The following APC variants were observed in gnomAD, a reference collection of about 807,000 sequenced individuals.
APC encodes the protein APC regulator of Wnt signaling pathway.
In APC, 72 loss-of-function variants were observed where a neutral mutation model predicts 247.0. The observed-to-expected ratio is 0.29, with a 90% CI of 0.24 to 0.35. APC has a LOEUF of 0.35. Among genes scored for constraint, APC ranks in the 10% least tolerant of loss-of-function variants. The probability of loss-of-function intolerance (pLI) is 1.00; values close to 1 mark genes in which losing one functional copy is unlikely to be tolerated. For synonymous variants in APC, 1,254 were observed against 1,162.5 expected, an observed-to-expected ratio of 1.08 and a Z score of -1.60; for missense variants, 3,400 against 3,360.7, an observed-to-expected ratio of 1.01 and a Z score of -0.29.
chr5:112,778,835 G>A (rs1022261442), intron 5 of APC, among the ~76,000 whole-genome samples: 2 of 152,062 alleles, frequency 1.3e-5, no homozygotes, highest in African/African-American at 2.4e-5. Context: ...GAGCCACTGC[G>A]CCCAGCCACA....
chr5:112,777,030 T>C (rs1757737161), intron 5 of APC, among the ~76,000 whole-genome samples: 6 of 152,180 alleles, frequency 3.9e-5, no homozygotes, highest in Admixed American at 3.9e-4. Flanking sequence ...CATTTATAGA[T>C]ATGAATTCTG....
chr5:112,827,627 A>G (rs193301079), intron 12 of APC, among the ~76,000 whole-genome samples: 78 of 152,376 alleles, frequency 5.1e-4, no homozygotes, highest in African/African-American at 1.9e-3. Flanking sequence ...GACCAAGGCA[A>G]GTGTTACACA....
intron 1 of APC, among the ~76,000 whole-genome samples, chr5:112,717,908 CTTTTTT>C: frequency 2.2e-4 from 9 of 40,650 alleles, no homozygotes; most frequent in South Asian, 2.6e-3. Flanking sequence ...TTTTCTTTTT[CTTTTTT>C]TTTTTTTTTT....
At position 112,767,315 on chromosome 5, in the gene APC, G is replaced by A. The variant is rs369999291; in HGVS notation, c.347G>A (p.Gly116Asp). The change falls in exon 4 of 16, where the codon GGT becomes GAT. Residue 116 changes from glycine to aspartate, a missense_variant. Coordinates refer to ENST00000257430, the MANE Select transcript of APC (RefSeq NM_000038.6). ...RSGECSPVPMGSFPRRGFVNG... is the reference protein window; with the variant it reads ...RSGECSPVPMDSFPRRGFVNG... ...GGAGAGTGCAGTCCTGTTCCTATGG[G>A]TTCATTTCCAAGAAGAGGGTTTGTA... is the stretch of plus-strand genomic sequence containing the variant. The A allele has an allele frequency of 2.0e-5, 33 of 1,614,118 alleles. No homozygotes were observed. The highest frequency in any genetic ancestry group is 2.7e-5 in the Non-Finnish European group (32 of 1,180,014).
chr5:112,795,474 C>G (rs1760119462), intron 7 of APC, among the ~76,000 whole-genome samples: 1 of 152,206 alleles, frequency 6.6e-6, no homozygotes, highest in South Asian at 2.1e-4. Flanking sequence ...TCCTTCTCTT[C>G]CTGGAGGTCC....
At position 112,840,639 on chromosome 5, in the gene APC, G is replaced by T. The variant is rs2149930625; in HGVS notation, c.5045G>T (p.Gly1682Val). Residue 1682 changes from glycine to valine, a missense_variant, in exon 16 of 16, where the codon GGT becomes GTT. Physicochemically the swap from Gly to Val is moderately radical, Grantham distance 109. Around this residue, in one of 9 missense-constraint regions of APC, gnomAD observed 1,788 missense variants for 1,649.5 expected, o/e 1.08. Transcript: ENST00000257430. The surrounding 1 kb of genome is among the most constrained non-coding windows in gnomAD (Gnocchi z 4.1). ...GGAGTTAGAGGAGGGGCACAGTCAG[G>T]TGAATTTGAAAAACGAGATACCATT... ...GEGVRGGAQS[G>V]EFEKRDTIPT... The T allele has an allele frequency of 6.2e-7, 1 of 1,613,982 alleles. No homozygotes were observed. Among genetic ancestry groups the T allele is most frequent in the Non-Finnish European group, 8.5e-7 (1 of 1,179,912 alleles).
intron 11 of APC, 120 bp from the exon 12 acceptor site, chr5:112,826,988 A>G (rs1290637734): frequency 1.0e-6 from 1 of 959,812 alleles, no homozygotes; most frequent in Non-Finnish European, 1.6e-6. Context: ...CTAAAGGCAA[A>G]TTTAAACCAT....
intron 1 of APC, among the ~76,000 whole-genome samples, chr5:112,744,441 T>A (rs1264755107): frequency 6.6e-6 from 1 of 152,216 alleles, no homozygotes; most frequent in East Asian, 1.9e-4. Flanking sequence ...GTATTAGATA[T>A]AGACCTTGTC....
In APC at chr5:112,763,964, G is replaced by A. The variant is rs186632493; in HGVS notation, c.136-2362G>A. 5.3e-3 allele frequency among the ~76,000 whole-genome samples: 801 copies of A among 152,202 alleles called. 16 individuals are homozygous for A. Among genetic ancestry groups the A allele is most frequent in the Non-Finnish European group, 5.8e-3 (396 of 68,010 alleles). ...CAAAGAGAGACCTGATCGGCCGGGCGCGGTGGCTCACGCCTGTAATCCCAG... is the reference window on the plus strand; with the variant it reads ...CAAAGAGAGACCTGATCGGCCGGGCACGGTGGCTCACGCCTGTAATCCCAG... On this transcript the variant is annotated intron_variant, in intron 2 of 15. Coordinates refer to ENST00000257430, the MANE Select transcript of APC (RefSeq NM_000038.6).
At chr5:112,737,724 C>A, upstream of APC, 1 of 561,748 alleles carries the variant, frequency 1.8e-6, no homozygotes, top group Non-Finnish European at 2.3e-6. Flanking sequence ...CCCTGTGCCC[C>A]ACTGCGGAGT....
chr5:112,730,013 C>G (rs1426306572), intron 1 of APC, among the ~76,000 whole-genome samples: 1 of 152,176 alleles, frequency 6.6e-6, no homozygotes, highest in African/African-American at 2.4e-5. Context: ...ACCCCAAACT[C>G]TGTTTCTCTT....
intron 4 of APC, among the ~76,000 whole-genome samples, chr5:112,768,713 C>T (rs907679863): frequency 4.6e-5 from 7 of 151,790 alleles, no homozygotes; most frequent in African/African-American, 1.7e-4. Context: ...TGTGCTCATC[C>T]TATGGTAGCG....
At chr5:112,783,630 CAA>C (rs563801773) in intron 6 of APC, 536 of 80,524 alleles carry the variant, frequency 6.7e-3, no homozygotes, top group South Asian at 0.025. Context: ...CTGCCTCTAC[CAA>C]AAAAAAAAAA....
At chr5:112,823,988 A>G (rs908144064) in intron 11 of APC, among the ~76,000 whole-genome samples, 1 of 152,222 alleles carries the variant, frequency 6.6e-6, no homozygotes, top group African/African-American at 2.4e-5. Flanking sequence ...AGCCTGTGAT[A>G]TTTATTTTAG....
intron 3 of APC, 44 bp downstream of exon 3, chr5:112,766,454 A>C (rs374729480): frequency 7.3e-7 from 1 of 1,375,950 alleles, no homozygotes; most frequent in Non-Finnish European, 1.0e-6. Context: ...TTAAGCTCAA[A>C]TTGTCATCTT....
intron 4 of APC, among the ~76,000 whole-genome samples, chr5:112,775,381 G>GT (rs2149612640): frequency 6.6e-6 from 1 of 152,146 alleles, no homozygotes; most frequent in East Asian, 1.9e-4. Flanking sequence ...TTGGTGAAGT[G>GT]TAAGTATTCT....
At chr5:112,707,874 G>T in exon 1 of APC, 1 of 1,369,064 alleles carries the variant, frequency 7.3e-7, no homozygotes, top group Non-Finnish European at 9.6e-7. Flanking sequence ...CTGGGCGAGC[G>T]TCTGGCAGGT....
At chr5:112,761,000 G>T (rs796585818) in intron 2 of APC, among the ~76,000 whole-genome samples, 2 of 152,000 alleles carry the variant, frequency 1.3e-5, no homozygotes, top group African/African-American at 4.8e-5. Flanking sequence ...TAGTAGAGAC[G>T]GGGTTTCACT....
intron 6 of APC, among the ~76,000 whole-genome samples, chr5:112,786,085 G>T (rs1025761066): frequency 6.6e-6 from 1 of 152,142 alleles, no homozygotes; most frequent in Admixed American, 6.5e-5. Context: ...AGACAACCCT[G>T]TGTTTTTGTT....
Sources: gnomAD v4.1 joint callset for allele counts (sites outside exome capture counted in the v4.1 genomes callset) on GRCh38, gnomAD v4.1.1 for gene constraint, gnomAD v4.1.1 regional missense constraint, Gnocchi (gnomAD v3.1) non-coding constraint, MANE v1.5 for transcripts, NCBI Gene and HGNC (gene_info 2026-07-23, HGNC 2026-07-21) for gene names.